The following MBTPS1 variants were observed in gnomAD, a reference collection of about 807,000 sequenced individuals.
MBTPS1 encodes membrane-bound transcription factor site-1 protease.
Under a neutral mutation model 127.8 loss-of-function variants are expected in MBTPS1, and 94 were observed. That is an observed-to-expected ratio of 0.74 (90% confidence interval 0.62 to 0.87). MBTPS1 has a LOEUF of 0.87. Ranked by LOEUF, MBTPS1 falls within the 40% of genes least tolerant of loss-of-function variation. MBTPS1 has a pLI of 0.00. For synonymous variants in MBTPS1, 632 were observed against 509.4 expected (o/e 1.24, Z -3.24); for missense variants, 1,636 against 1,353.2 (o/e 1.21, Z -3.28).
intron 3 of MBTPS1, among the ~76,000 whole-genome samples, 189 bp downstream of exon 3, chr16:84,098,864 G>GC (rs926983846): frequency 6.9e-4 from 104 of 151,700 alleles, no homozygotes; most frequent in African/African-American, 2.3e-3. Flanking sequence ...AAATAATTCT[G>GC]CCCCCCCAAC....
At chr16:84,083,475 G>A (rs1235575777) in intron 10 of MBTPS1, among the ~76,000 whole-genome samples, 2 of 150,500 alleles carry the variant, frequency 1.3e-5, no homozygotes, top group South Asian at 4.2e-4. Context: ...TTTTTTGGTA[G>A]AGATGAGGTC....
intron 7 of MBTPS1, 42 bp from the exon 8 acceptor site, chr16:84,090,984 T>G: frequency 7.9e-7 from 1 of 1,260,658 alleles, no homozygotes; most frequent in Non-Finnish European, 1.1e-6. Context: ...TCCCTTTCAT[T>G]AAACATATAA....
At chr16:84,112,538 T>C (rs1293797565) in intron 1 of MBTPS1, among the ~76,000 whole-genome samples, 1 of 151,702 alleles carries the variant, frequency 6.6e-6, no homozygotes, top group Non-Finnish European at 1.5e-5. Context: ...GGTGGGCTCC[T>C]GTAGTCCCAG....
chr16:84,086,278 G>A (rs1265876879), intron 9 of MBTPS1: 1 of 151,888 alleles, frequency 6.6e-6, no homozygotes, highest in African/African-American at 2.4e-5. Flanking sequence ...TACACGGGGA[G>A]CTGGGGACAA....
chr16:84,116,440 T>TC (rs2086479193), intron 1 of MBTPS1, among the ~76,000 whole-genome samples: 1 of 152,202 alleles, frequency 6.6e-6, no homozygotes, highest in Admixed American at 6.5e-5. Context: ...TGAGTCTGTC[T>TC]GGAGGCTCCG....
Position 84,056,016 on chromosome 16 carries a change from T to G in MBTPS1, c.2951A>C (p.Asp984Ala), listed in dbSNP as rs1422993039. ...AGCCGAGAACTCACCTCCAGGAATG[T>G]CCCAGGCGCCGCTCTCTCCAGGGGA... is the stretch of plus-strand genomic sequence containing the variant. ...PLSPGESGAW[D>A]IPGGIMPGRY... Residue 984 changes from aspartate (D) to alanine (A), a missense_variant, in exon 22 of 23, where the codon GAC becomes GCC. Coordinates refer to ENST00000343411, the MANE Select transcript of MBTPS1 (RefSeq NM_003791.4). 1.2e-6 allele frequency: 2 copies of G among 1,612,450 alleles called. No homozygotes were observed. Among genetic ancestry groups the G allele is most frequent in the Non-Finnish European group, 1.7e-6 (2 of 1,179,202 alleles).
chr16:84,103,898 C>T (rs796300812), intron 1 of MBTPS1, among the ~76,000 whole-genome samples: 5 of 152,216 alleles, frequency 3.3e-5, no homozygotes, highest in African/African-American at 1.2e-4. Context: ...ACATCCACCT[C>T]GACAAGAACA....
intron 12 of MBTPS1, among the ~76,000 whole-genome samples, chr16:84,074,205 A>C (rs1300798252): frequency 6.6e-6 from 1 of 151,962 alleles, no homozygotes; most frequent in African/African-American, 2.4e-5. Flanking sequence ...CACTACTTCC[A>C]ATAGCCCTGG....
At position 84,054,477 on chromosome 16, in the gene MBTPS1, A is replaced by C. The variant is rs1339981629; in HGVS notation, c.3131T>G (p.Val1044Gly). 1.9e-6 allele frequency: 3 copies of C among 1,610,046 alleles called. No individual in the cohort carries two copies. The highest frequency in any genetic ancestry group is 8.5e-7 in the Non-Finnish European group (1 of 1,177,916). The stretch of plus-strand genomic sequence containing the variant: ...CACCGAAGGGGTCTTTGGCGGGTGA[A>C]CCTGCTGCATGAGCTGCGGGCGCTT... ...RVKRPQLMQQVHPPKTPSV is the reference protein window; with the variant it reads ...RVKRPQLMQQGHPPKTPSV Residue 1044 changes from valine (V) to glycine (G), a missense_variant, in exon 23 of 23, where the codon GTT becomes GGT. Physicochemically the swap from Val to Gly is moderately radical, Grantham distance 109. Coordinates refer to ENST00000343411, the MANE Select transcript of MBTPS1 (RefSeq NM_003791.4).
At position 84,065,473 on chromosome 16, in the gene MBTPS1, G is replaced by A. The variant is rs190139715; in HGVS notation, c.2431+217C>T. On this transcript the variant is annotated intron_variant, in intron 18 of 22. Coordinates refer to ENST00000343411, the MANE Select transcript of MBTPS1 (RefSeq NM_003791.4). ...GATTTCTTATTGCGGTGATAAAATT[G>A]TTCTGGAAGTAGACAATGGTGATGG... is the stretch of plus-strand genomic sequence containing the variant. Among the ~76,000 whole-genome samples, 102 of 152,240 alleles carry A rather than the reference G, an allele frequency of 6.7e-4. 1 individual carries two copies. The highest frequency in any genetic ancestry group is 2.3e-3 in the African/African-American group (96 of 41,538).
intron 7 of MBTPS1, 56 bp from the exon 8 acceptor site, chr16:84,090,998 T>TAAAA: frequency 1.3e-6 from 1 of 785,326 alleles, no homozygotes; most frequent in East Asian, 3.1e-5. Flanking sequence ...CATATAACTG[T>TAAAA]CAAAAAAAAA....
intron 3 of MBTPS1, among the ~76,000 whole-genome samples, chr16:84,097,876 G>GTGTT (rs1276501315): frequency 1.4e-5 from 2 of 141,728 alleles, no homozygotes; most frequent in East Asian, 4.3e-4. Context: ...GTGTGTTTGT[G>GTGTT]TGTGTGTTTA....
intron 1 of MBTPS1, among the ~76,000 whole-genome samples, chr16:84,110,174 C>T (rs969365451): frequency 1.3e-4 from 20 of 152,208 alleles, no homozygotes; most frequent in African/African-American, 4.6e-4. Flanking sequence ...AACCAGACCA[C>T]ACACGTCAGA....
In MBTPS1 at chr16:84,114,050, T is replaced by C. The variant is rs921244747; in HGVS notation, c.-325+2685A>G. ...CGCGATCTCAGCTCACTGCAACCTC[T>C]GCCTCCGGGGTTCAAGCGATTCTCC... On this transcript the variant is annotated intron_variant, in intron 1 of 22. Coordinates refer to ENST00000343411, the MANE Select transcript of MBTPS1 (RefSeq NM_003791.4). Among the ~76,000 whole-genome samples the C allele has an allele frequency of 6.6e-5, 10 of 150,894 alleles. No individual in the cohort carries two copies. The East Asian group carries it at 2.0e-3, about 30-fold the overall frequency.
chr16:84,064,213 A>G (rs1036355480), intron 18 of MBTPS1, among the ~76,000 whole-genome samples: 2 of 151,818 alleles, frequency 1.3e-5, no homozygotes, highest in Non-Finnish European at 2.9e-5. Context: ...GTCCGTGTTG[A>G]TAACATCTGA....
intron 1 of MBTPS1, among the ~76,000 whole-genome samples, chr16:84,110,091 T>A (rs2086378712): frequency 6.6e-6 from 1 of 152,242 alleles, no homozygotes; most frequent in Admixed American, 6.5e-5. Flanking sequence ...GAGGCTGGGC[T>A]ATTTTAAATG....
chr16:84,116,045 T>C (rs2086471692), intron 1 of MBTPS1, among the ~76,000 whole-genome samples: 1 of 152,154 alleles, frequency 6.6e-6, no homozygotes, highest in Admixed American at 6.5e-5. Context: ...ACCTACACAG[T>C]TCAGACTAAA....
rs1429192573 is a variant in MBTPS1 at position 84,054,363 on chromosome 16, A to G, written c.*86T>C. Reference sequence around the variant, plus strand: ...TGCAGCTGGAAACTGGATCCCTTTTAAACCAGCCGCCACCACAGCTCGGCT... The same window carrying G: ...TGCAGCTGGAAACTGGATCCCTTTTGAACCAGCCGCCACCACAGCTCGGCT... On this transcript the variant is annotated 3_prime_UTR_variant, in exon 23 of 23. Transcript: ENST00000343411. The G allele has an allele frequency of 3.1e-6, 4 of 1,289,750 alleles. No homozygotes were observed. Among genetic ancestry groups the G allele is most frequent in the East Asian group, 5.1e-5 (2 of 39,066 alleles). The allele number at this position is 1,289,750 out of a possible 1,614,324, so 79.9% of individuals were successfully genotyped here. A position where few individuals can be genotyped will look rare whatever the true frequency, so the allele number is the denominator to read the frequency against.
At chr16:84,065,131 T>C (rs1216600886) in intron 18 of MBTPS1, among the ~76,000 whole-genome samples, 3 of 152,004 alleles carry the variant, frequency 2.0e-5, no homozygotes, top group Admixed American at 6.6e-5. Context: ...GTTTTTTTTT[T>C]TTTTTTGAGA....
Sources: gnomAD v4.1 joint callset for allele counts (sites outside exome capture counted in the v4.1 genomes callset) on GRCh38, gnomAD v4.1.1 for gene constraint, MANE v1.5 for transcripts, NCBI Gene and HGNC (gene_info 2026-07-23, HGNC 2026-07-21) for gene names.